The following UNC79 variants were observed in gnomAD, a reference collection of about 807,000 sequenced individuals.
UNC79 encodes protein unc-79 homolog.
UNC79 carries 37 observed loss-of-function variants against 283.1 expected under a neutral mutation model. The ratio of observed to expected loss-of-function variants is 0.13; its 90% CI spans 0.10 to 0.17. The LOEUF (loss-of-function observed/expected upper bound fraction) is 0.17, where lower values mean the gene tolerates loss of function less well. Among genes scored for constraint, UNC79 ranks in the 10% least tolerant of loss-of-function variants. UNC79 has a pLI of 1.00. For missense variants in UNC79, 2,272 were observed against 3,211.1 expected, an observed-to-expected ratio of 0.71 and a Z score of 7.07; for synonymous variants, 1,107 against 1,200.2, an observed-to-expected ratio of 0.92 and a Z score of 1.61.
At chr14:93,355,784 A>G (rs1394982321) in intron 1 of UNC79, among the ~76,000 whole-genome samples, 2 of 152,148 alleles carry the variant, frequency 1.3e-5, no homozygotes, top group African/African-American at 2.4e-5. Context: ...CCCCTATCCT[A>G]TCAATGCACC....
chr14:93,677,795 A>G (rs1425581482), intron 41 of UNC79, among the ~76,000 whole-genome samples: 1 of 152,102 alleles, frequency 6.6e-6, no homozygotes, highest in Non-Finnish European at 1.5e-5. Context: ...GACTACAGGC[A>G]CGCACCACCA....
At chr14:93,433,684 G>A (rs1047451943) in intron 1 of UNC79, among the ~76,000 whole-genome samples, 1 of 152,076 alleles carries the variant, frequency 6.6e-6, no homozygotes, top group Non-Finnish European at 1.5e-5. Flanking sequence ...TTAATATAAT[G>A]TCAAAATATT....
intron 1 of UNC79, among the ~76,000 whole-genome samples, chr14:93,414,508 G>A (rs1305332811): frequency 1.3e-5 from 2 of 152,118 alleles, no homozygotes; most frequent in South Asian, 2.1e-4. Context: ...TTGGCAATGC[G>A]GGCTCTTTTT....
At chr14:93,656,193 C>T in intron 38 of UNC79, among the ~76,000 whole-genome samples, 1 of 152,170 alleles carries the variant, frequency 6.6e-6, no homozygotes, top group East Asian at 1.9e-4. Flanking sequence ...GCATTCATGT[C>T]TCTAGAGTAG....
intron 12 of UNC79, among the ~76,000 whole-genome samples, chr14:93,540,128 A>G (rs539335970): frequency 6.6e-6 from 1 of 152,370 alleles, no homozygotes; most frequent in South Asian, 2.1e-4. Flanking sequence ...TGCCAACACC[A>G]TGTATAAAAC....
At chr14:93,343,373 T>C (rs903267590) in intron 1 of UNC79, among the ~76,000 whole-genome samples, 1 of 152,242 alleles carries the variant, frequency 6.6e-6, no homozygotes, top group African/African-American at 2.4e-5. Flanking sequence ...AATCCAAGTG[T>C]GTTACTGATG....
chr14:93,333,211 C>G (rs2139852842), upstream of UNC79: 2 of 379,604 alleles, frequency 5.3e-6, no homozygotes, highest in Non-Finnish European at 9.2e-6. Flanking sequence ...GCGGAGTGCG[C>G]GCGCATTATT....
intron 1 of UNC79, among the ~76,000 whole-genome samples, chr14:93,363,213 A>G (rs377264479): frequency 1.3e-5 from 2 of 152,096 alleles, no homozygotes; most frequent in East Asian, 3.9e-4. Context: ...CCTTAATTTC[A>G]TTGTTTACCC....
intron 1 of UNC79, among the ~76,000 whole-genome samples, chr14:93,462,028 T>C (rs1046554931): frequency 1.3e-5 from 2 of 150,964 alleles, no homozygotes; most frequent in African/African-American, 2.4e-5. Context: ...AAAAATGGGC[T>C]AGGTGTGGTG....
intron 1 of UNC79, among the ~76,000 whole-genome samples, chr14:93,371,097 AG>A (rs1455061187): frequency 1.4e-5 from 2 of 138,308 alleles, no homozygotes; most frequent in Admixed American, 6.8e-5. Context: ...ACAACAAAAC[AG>A]GGGTGGGTGC....
chr14:93,695,734 A>G (rs546734441), intron 47 of UNC79, among the ~76,000 whole-genome samples: 5 of 151,916 alleles, frequency 3.3e-5, no homozygotes, highest in Non-Finnish European at 5.9e-5. Flanking sequence ...TCTACTAAAA[A>G]TACCAACATC....
chr14:93,439,312 T>TGTCTC (rs1555409276), intron 1 of UNC79, among the ~76,000 whole-genome samples: 3 of 69,242 alleles, frequency 4.3e-5, no homozygotes, highest in African/African-American at 1.3e-4. Context: ...ATCTCTTGTA[T>TGTCTC]TTCTAAGTAA....
At chr14:93,408,727 A>G (rs1184410945) in intron 1 of UNC79, among the ~76,000 whole-genome samples, 5 of 152,328 alleles carry the variant, frequency 3.3e-5, no homozygotes, top group South Asian at 2.1e-4. Context: ...TAAAAATACC[A>G]TATCAATACT....
chr14:93,389,879 C>G lies in UNC79; in HGVS notation c.-351+56356C>G, dbSNP rs182941055. On this transcript the variant is annotated intron_variant, in intron 1 of 49. Transcript: ENST00000256339. ...TGTTGGCCAGGCTGGTCTTGAATTC[C>G]TGACCTCAGGTGATCTGCCCGCCTT... 2.7e-3 allele frequency among the ~76,000 whole-genome samples: 406 copies of G among 152,284 alleles called. 1 individual carries two copies. Among genetic ancestry groups the G allele is most frequent in the African/African-American group, 9.2e-3 (384 of 41,558 alleles).
At chr14:93,659,456 A>G (rs2071304153) in intron 39 of UNC79, among the ~76,000 whole-genome samples, 195 bp downstream of exon 42, 1 of 152,198 alleles carries the variant, frequency 6.6e-6, no homozygotes, top group African/African-American at 2.4e-5. Context: ...GTCATGGTTT[A>G]TAACTGGTCC....
intron 1 of UNC79, among the ~76,000 whole-genome samples, chr14:93,357,676 C>CATATATATATATATAT (rs60284787): frequency 6.2e-5 from 2 of 32,348 alleles, no homozygotes; most frequent in Non-Finnish European, 1.1e-4. Flanking sequence ...AATAAACTCC[C>CATATATATATATATAT]ATATATATAT....
chr14:93,490,380 C>T (rs1053263559), intron 5 of UNC79, among the ~76,000 whole-genome samples: 9 of 152,198 alleles, frequency 5.9e-5, no homozygotes, highest in Non-Finnish European at 1.3e-4. Context: ...TCTTCTTCCT[C>T]CTTGATTAAC....
At chr14:93,702,929 GC>G (rs775371310) in intron 47 of UNC79, among the ~76,000 whole-genome samples, 1 of 152,206 alleles carries the variant, frequency 6.6e-6, no homozygotes, top group Non-Finnish European at 1.5e-5. Flanking sequence ...GCAGGCTGCT[GC>G]CACGGTGATC....
rs1293027858 is a variant in UNC79 at position 93,474,173 on chromosome 14, A to G, written c.228A>G (p.Pro76=). The change falls in exon 3 of 49, where the codon CCA becomes CCG. Residue 76 remains proline (P), a synonymous_variant. Coordinates refer to ENST00000555664, the Ensembl canonical transcript of UNC79. The surrounding 1 kb of genome is among the most constrained non-coding windows in gnomAD (Gnocchi z 4.1). ...TGACCATGTGTCTTTTTCCTGTGCC[A>G]TTCCCACTCACCCCATCTCTAAGAC... 2 of 1,535,910 alleles carry G rather than the reference A, an allele frequency of 1.3e-6. No homozygotes were observed. Among genetic ancestry groups the G allele is most frequent in the African/African-American group, 1.4e-5 (1 of 73,006 alleles).
Sources: gnomAD v4.1 joint callset for allele counts (sites outside exome capture counted in the v4.1 genomes callset) on GRCh38, gnomAD v4.1.1 for gene constraint, Gnocchi (gnomAD v3.1) non-coding constraint, MANE v1.5 for transcripts, NCBI Gene and HGNC (gene_info 2026-07-23, HGNC 2026-07-21) for gene names.